PDCL2: variants seen among roughly 807,000 people sequenced by gnomAD.
PDCL2 encodes the protein phosducin-like protein 2.
PDCL2 carries 23 observed loss-of-function variants against 30.3 expected under a neutral mutation model. The observed-to-expected ratio is 0.76, with a 90% CI of 0.55 to 1.08. PDCL2 has a LOEUF of 1.08. PDCL2 is among the 50% of genes least tolerant of loss of function. PDCL2 has a pLI of 0.00. For missense variants in PDCL2, 243 were observed against 282.3 expected (o/e 0.86, Z 1.00); for synonymous variants, 68 against 86.2 (o/e 0.79, Z 1.17).
At chr4:55,570,670 C>T (rs777127712) in intron 3 of PDCL2, among the ~76,000 whole-genome samples, 1 of 152,108 alleles carries the variant, frequency 6.6e-6, no homozygotes. Flanking sequence ...ATAAATGTTG[C>T]TACCTATTTA....
intron 5 of PDCL2, among the ~76,000 whole-genome samples, chr4:55,559,648 TTC>T (rs1732073887): frequency 6.6e-6 from 1 of 152,218 alleles, no homozygotes; most frequent in Non-Finnish European, 1.5e-5. Flanking sequence ...GCAATTCCAT[TTC>T]TGTGTATATT....
chr4:55,585,365 T>TA (rs1467047649), intron 1 of PDCL2, among the ~76,000 whole-genome samples: 1 of 152,010 alleles, frequency 6.6e-6, no homozygotes, highest in African/African-American at 2.4e-5. Context: ...CTGTCTCTAC[T>TA]AAAAATACAA....
At chr4:55,588,054 C>T (rs540112227) in intron 1 of PDCL2, among the ~76,000 whole-genome samples, 356 of 152,196 alleles carry the variant, frequency 2.3e-3, no homozygotes, top group Non-Finnish European at 4.1e-3. Flanking sequence ...GACTTTGATG[C>T]AGTTTGAGTT....
At chr4:55,586,483 C>T (rs1011265422) in intron 1 of PDCL2, among the ~76,000 whole-genome samples, 3 of 152,102 alleles carry the variant, frequency 2.0e-5, no homozygotes, top group East Asian at 1.9e-4. Flanking sequence ...TTTCAAGGTT[C>T]GACTATGTTG....
chr4:55,589,532 T>C (rs183851515), intron 1 of PDCL2, among the ~76,000 whole-genome samples: 1 of 152,348 alleles, frequency 6.6e-6, no homozygotes, highest in Non-Finnish European at 1.5e-5. Flanking sequence ...TTTTCTCTTC[T>C]GTTCCAATAA....
chr4:55,584,073 A>G (rs1246167025), intron 1 of PDCL2, among the ~76,000 whole-genome samples: 2 of 152,084 alleles, frequency 1.3e-5, no homozygotes, highest in African/African-American at 2.4e-5. Context: ...GTCTTCTTCA[A>G]TTTCTTTCAT....
chr4:55,590,870 T>C (rs1334629416), intron 1 of PDCL2, among the ~76,000 whole-genome samples: 1 of 152,182 alleles, frequency 6.6e-6, no homozygotes, highest in Non-Finnish European at 1.5e-5. Flanking sequence ...ATGCCATTAA[T>C]AGTTATATCT....
At position 55,556,551 on chromosome 4, in the gene PDCL2, TTCTC is replaced by T. The variant is rs1731971050; in HGVS notation, c.*2_*5del. 3.3e-6 allele frequency: 5 copies of T among 1,522,364 alleles called. No individual in the cohort carries two copies. Among genetic ancestry groups the T allele is most frequent in the East Asian group, 2.4e-5 (1 of 42,188 alleles). The allele number at this position is 1,522,364 out of a possible 1,614,324, so 94.3% of individuals were successfully genotyped here. ...ATACTAAAAGCTATTTATTGAATAT[TTCTC>T]TCTATTTGGTATCATTATCACTGTT... is the stretch of plus-strand genomic sequence containing the variant. On this transcript the variant is annotated 3_prime_UTR_variant, in exon 6 of 6. Transcript: ENST00000295645.
At position 55,556,600 on chromosome 4, in the gene PDCL2, T is replaced by C. The variant is rs1180904841; in HGVS notation, c.683A>G (p.His228Arg). The C allele has an allele frequency of 6.4e-7, 1 of 1,572,814 alleles. No individual in the cohort carries two copies. The highest frequency in any genetic ancestry group is 2.3e-5 in the East Asian group (1 of 43,896). ...ACTGTTGGAGCTATCACTGTCATCA[T>C]GAATAGAAGTGTTTCTAATTGAAGA... ...MVSSIRNTSI[H>R]DDSDSSNSDN... is the part of the protein sequence containing the mutation. Residue 228 changes from histidine (H) to arginine (R), a missense_variant, in exon 6 of 6, where the codon CAT becomes CGT. Coordinates refer to ENST00000295645, the MANE Select transcript of PDCL2 (RefSeq NM_152401.3).
intron 3 of PDCL2, among the ~76,000 whole-genome samples, chr4:55,572,628 C>A (rs1267805280): frequency 1.3e-5 from 2 of 152,180 alleles, no homozygotes; most frequent in Non-Finnish European, 2.9e-5. Context: ...ACCAGTGTAA[C>A]AAGCCTGCAT....
chr4:55,557,093 C>A (rs1731989336), intron 5 of PDCL2, among the ~76,000 whole-genome samples: 1 of 152,248 alleles, frequency 6.6e-6, no homozygotes, highest in African/African-American at 2.4e-5. Flanking sequence ...CTACCTTGGC[C>A]TCCCAAAGTG....
intron 1 of PDCL2, among the ~76,000 whole-genome samples, chr4:55,586,580 A>G (rs950840949): frequency 2.6e-5 from 4 of 152,214 alleles, no homozygotes; most frequent in African/African-American, 7.2e-5. Context: ...TCATCCATCA[A>G]TGGACATTTG....
chr4:55,561,283 C>A (rs1475522081), intron 5 of PDCL2, among the ~76,000 whole-genome samples: 1 of 152,026 alleles, frequency 6.6e-6, no homozygotes, highest in Non-Finnish European at 1.5e-5. Flanking sequence ...AACAACCAGC[C>A]AGGGGCAGAG....
At chr4:55,565,461 GC>G (rs1732235536) in intron 4 of PDCL2, among the ~76,000 whole-genome samples, 1 of 152,126 alleles carries the variant, frequency 6.6e-6, no homozygotes, top group African/African-American at 2.4e-5. Context: ...ACATGTGGCA[GC>G]AATGAGAAGT....
At chr4:55,560,116 T>C (rs1392527759) in intron 5 of PDCL2, among the ~76,000 whole-genome samples, 1 of 151,106 alleles carries the variant, frequency 6.6e-6, no homozygotes, top group Non-Finnish European at 1.5e-5. Flanking sequence ...ATGGTAAATG[T>C]TATGTTATGC....
At position 55,580,802 on chromosome 4, in the gene PDCL2, C is replaced by T; in HGVS notation, c.218+19G>A. The T allele has an allele frequency of 6.6e-7, 1 of 1,522,864 alleles. No homozygotes were observed. Among genetic ancestry groups the T allele is most frequent in the East Asian group, 2.3e-5 (1 of 42,772 alleles). 94.3% of individuals were successfully genotyped at this position (1,522,864 alleles called of 1,614,324 possible). A position where few individuals can be genotyped will look rare whatever the true frequency, so the allele number is the denominator to read the frequency against. ...ACTTCATTCAAAAATTTATAATTAA[C>T]CCAAATGAATCACTGTACCTATATG... On this transcript the variant is annotated intron_variant, in intron 3 of 5. Coordinates refer to ENST00000295645, the MANE Select transcript of PDCL2 (RefSeq NM_152401.3).
At chr4:55,561,883 C>G (rs1732144108) in intron 5 of PDCL2, among the ~76,000 whole-genome samples, 1 of 152,024 alleles carries the variant, frequency 6.6e-6, no homozygotes, top group Non-Finnish European at 1.5e-5. Context: ...AAGAAAGATG[C>G]ATTGAGAATA....
intron 5 of PDCL2, among the ~76,000 whole-genome samples, chr4:55,558,618 C>T (rs534567468): frequency 8.1e-4 from 124 of 152,196 alleles, no homozygotes; most frequent in African/African-American, 2.8e-3. Context: ...CACAAAAGCC[C>T]AATGTTATTC....
chr4:55,575,050 C>A (rs1431028323), intron 3 of PDCL2, among the ~76,000 whole-genome samples: 1 of 152,198 alleles, frequency 6.6e-6, no homozygotes, highest in East Asian at 1.9e-4. Context: ...CCAATCCTCA[C>A]CAATTTATTT....
Sources: allele counts gnomAD v4.1 joint callset (sites outside exome capture counted in the v4.1 genomes callset), GRCh38; gene constraint gnomAD v4.1.1; transcripts MANE v1.5; gene names NCBI Gene and HGNC (gene_info 2026-07-23, HGNC 2026-07-21).